The following OSBPL1A variants were observed in gnomAD, a reference collection of about 807,000 sequenced individuals.
OSBPL1A encodes the protein oxysterol binding protein like 1A.
A neutral mutation model predicts 137.1 loss-of-function variants in OSBPL1A; 80 were observed. The observed-to-expected ratio is 0.58, with a 90% CI of 0.49 to 0.70. OSBPL1A has a LOEUF of 0.70. Ranked by LOEUF, OSBPL1A falls within the 30% of genes least tolerant of loss-of-function variation. The pLI, the probability that OSBPL1A is intolerant of heterozygous loss-of-function variation, is 0.00. For missense variants in OSBPL1A, 970 were observed against 1,129.4 expected, an observed-to-expected ratio of 0.86 and a Z score of 2.02; for synonymous variants, 365 against 389.7, an observed-to-expected ratio of 0.94 and a Z score of 0.75.
At chr18:24,168,831 T>TG (rs1193397319) in intron 24 of OSBPL1A, among the ~76,000 whole-genome samples, 1 of 151,552 alleles carries the variant, frequency 6.6e-6, no homozygotes, top group Non-Finnish European at 1.5e-5. Context: ...CTCTCTCCAA[T>TG]GGGAAAAAAA....
chr18:24,390,372 G>T (rs1907246163), intron 1 of OSBPL1A, among the ~76,000 whole-genome samples: 1 of 152,164 alleles, frequency 6.6e-6, no homozygotes, highest in Non-Finnish European at 1.5e-5. Context: ...AACAAAACGT[G>T]ACATATACAA....
chr18:24,365,323 G>A (rs571275125), intron 4 of OSBPL1A, among the ~76,000 whole-genome samples: 6 of 152,110 alleles, frequency 3.9e-5, no homozygotes, highest in Non-Finnish European at 7.4e-5. Flanking sequence ...GGTGGCTCAC[G>A]CTTGTAATCC....
intron 13 of OSBPL1A, 96 bp from the exon 14 acceptor site, chr18:24,303,814 T>C: frequency 2.1e-6 from 2 of 973,032 alleles, no homozygotes; most frequent in Non-Finnish European, 3.2e-6. Flanking sequence ...AGTACATAGA[T>C]TGATATACCA....
intron 24 of OSBPL1A, among the ~76,000 whole-genome samples, chr18:24,169,413 C>T (rs547687174): frequency 5.1e-4 from 78 of 152,238 alleles, no homozygotes; most frequent in African/African-American, 1.8e-3. Flanking sequence ...CTAATGAGCT[C>T]GCAGATGATG....
chr18:24,309,607 C>T (rs905506171), intron 13 of OSBPL1A, among the ~76,000 whole-genome samples: 5 of 152,138 alleles, frequency 3.3e-5, no homozygotes, highest in African/African-American at 1.2e-4. Flanking sequence ...TAAATTGGCC[C>T]CTGAATTTCA....
chr18:24,351,347 C>CAAAAAAAAAAAAAAAAAA lies in OSBPL1A; in HGVS notation c.283-9707_283-9690dup, dbSNP rs1172514692. Among the ~76,000 whole-genome samples, 70 of 35,738 alleles carry CAAAAAAAAAAAAAAAAAA rather than the reference C, an allele frequency of 2.0e-3. 2 individuals are homozygous for CAAAAAAAAAAAAAAAAAA. The highest frequency in any genetic ancestry group is 3.0e-3 in the Admixed American group (7 of 2,362). 23.4% of individuals were successfully genotyped at this position (35,738 alleles called of 152,430 possible). A position where few individuals can be genotyped will look rare whatever the true frequency, so the allele number is the denominator to read the frequency against. Reference sequence around the variant, plus strand: ...CTGGACAACAGAGAAGACTCTGTCTCAAAAAAAAAAAAAAAAAAAAAAGAC... The same window carrying CAAAAAAAAAAAAAAAAAA: ...CTGGACAACAGAGAAGACTCTGTCTCAAAAAAAAAAAAAAAAAAAAAAAAAAAAAAAAAAAAAAAAGAC... On this transcript the variant is annotated intron_variant, in intron 4 of 27. Transcript: ENST00000319481.
At chr18:24,272,010 G>A (rs2089734611) in intron 15 of OSBPL1A, 2 of 981,420 alleles carry the variant, frequency 2.0e-6, no homozygotes, top group Non-Finnish European at 1.2e-6. Context: ...CCTGCGGCGG[G>A]CGGCTCCCTG....
chr18:24,339,495 G>A (rs1204767099), intron 5 of OSBPL1A, among the ~76,000 whole-genome samples: 1 of 152,194 alleles, frequency 6.6e-6, no homozygotes, highest in Non-Finnish European at 1.5e-5. Context: ...TACCTGTAAA[G>A]TCAACTAAGC....
At chr18:24,326,147 G>C (rs1300080549) in intron 7 of OSBPL1A, among the ~76,000 whole-genome samples, 1 of 152,098 alleles carries the variant, frequency 6.6e-6, no homozygotes, top group Non-Finnish European at 1.5e-5. Context: ...CTAGACTTTT[G>C]AGTGAAAAAA....
chr18:24,342,715 A>G (rs553260734), intron 4 of OSBPL1A, among the ~76,000 whole-genome samples: 1 of 152,208 alleles, frequency 6.6e-6, no homozygotes, highest in Admixed American at 6.6e-5. Flanking sequence ...TATGACCACT[A>G]TAAACATTTT....
chr18:24,175,690 A>G (rs2086428157), intron 21 of OSBPL1A, among the ~76,000 whole-genome samples: 1 of 152,198 alleles, frequency 6.6e-6, no homozygotes, highest in Admixed American at 6.5e-5. Context: ...TAATTTTGGT[A>G]TCATATCCAT....
chr18:24,321,938 G>T lies in OSBPL1A; in HGVS notation c.626-3129C>A, dbSNP rs1204413785. ...AATTTCCATGATTTTTTTTAAAAAG[G>T]TCACTCTGGCTGTTGTGTGCAATAT... On this transcript the variant is annotated intron_variant, in intron 7 of 27. Transcript: ENST00000319481. Among the ~76,000 whole-genome samples, 8 of 151,900 alleles carry T rather than the reference G, an allele frequency of 5.3e-5. No individual in the cohort carries two copies. In the East Asian group the frequency reaches 1.5e-3, roughly 29 times the overall value.
intron 17 of OSBPL1A, among the ~76,000 whole-genome samples, chr18:24,208,025 A>C (rs1489517642): frequency 2.6e-5 from 4 of 152,196 alleles, no homozygotes; most frequent in African/African-American, 9.7e-5. Context: ...GATTACAGGC[A>C]TGAACCACCG....
At position 24,238,913 on chromosome 18, in the gene OSBPL1A, A is replaced by AT. The variant is rs1380894929; in HGVS notation, c.1444+306_1444+307insA. Among the ~76,000 whole-genome samples the AT allele has an allele frequency of 5.9e-5, 9 of 152,348 alleles. No homozygotes were observed. The South Asian group carries it at 1.7e-3, about 28-fold the overall frequency. ...ACAATATGTGCTAATGCCTGGCACT[A>AT]GGAAATGGTCACCCAGTAAAGGACA... is the stretch of plus-strand genomic sequence containing the variant. On this transcript the variant is annotated intron_variant, in intron 16 of 27. Transcript: ENST00000319481.
At chr18:24,183,389 C>T (rs192467073) in intron 18 of OSBPL1A, among the ~76,000 whole-genome samples, 30 of 152,078 alleles carry the variant, frequency 2.0e-4, no homozygotes, top group Admixed American at 1.8e-3. Context: ...TGCATACATA[C>T]TCCTGATTTA....
intron 4 of OSBPL1A, among the ~76,000 whole-genome samples, chr18:24,355,182 GAT>G (rs2091511544): frequency 6.6e-6 from 1 of 151,724 alleles, no homozygotes; most frequent in African/African-American, 2.4e-5. Context: ...TTAATTACCT[GAT>G]ATGTTTTCTG....
intron 3 of OSBPL1A, 67 bp from the exon 4 acceptor site, chr18:24,367,033 A>G (rs1231795669): frequency 8.3e-6 from 11 of 1,331,014 alleles, no homozygotes; most frequent in Non-Finnish European, 1.1e-5. Flanking sequence ...TTCAAAATAT[A>G]TTAAGGCCTT....
At chr18:24,214,631 T>C (rs905291276) in intron 17 of OSBPL1A, among the ~76,000 whole-genome samples, 1 of 152,204 alleles carries the variant, frequency 6.6e-6, no homozygotes. Flanking sequence ...GAATGTAGGT[T>C]TGAACTCTTG....
intron 22 of OSBPL1A, 43 bp from the exon 23 acceptor site, chr18:24,171,541 A>G: frequency 2.1e-6 from 3 of 1,449,962 alleles, no homozygotes; most frequent in Non-Finnish European, 2.9e-6. Context: ...TTATTAGCAA[A>G]GCAGCAGTAG....
Sources: allele counts gnomAD v4.1 joint callset (sites outside exome capture counted in the v4.1 genomes callset), GRCh38; gene constraint gnomAD v4.1.1; transcripts MANE v1.5; gene names NCBI Gene and HGNC (gene_info 2026-07-23, HGNC 2026-07-21).